Variants in IGFBPL1 observed in about 807,000 individuals in gnomAD.
The protein encoded by IGFBPL1 is insulin-like growth factor-binding protein-like 1.
In IGFBPL1, 20 loss-of-function variants were observed where a neutral mutation model predicts 23.9. The ratio of observed to expected loss-of-function variants is 0.84; its 90% CI spans 0.59 to 1.22. IGFBPL1 has a LOEUF of 1.22. Ranked by LOEUF, IGFBPL1 falls within the 50% of genes most tolerant of loss-of-function variation. IGFBPL1 has a pLI of 0.00. For synonymous variants in IGFBPL1, 184 were observed against 171.8 expected (o/e 1.07, Z -0.56); for missense variants, 436 against 379.3 (o/e 1.15, Z -1.24).
chr9:38,408,418 A>G lies in IGFBPL1; in HGVS notation c.*809T>C, dbSNP rs1821463691. On this transcript the variant is annotated 3_prime_UTR_variant, in exon 5 of 5. Transcript: ENST00000377694. ...ACTCCAGCCTGGGTGATAGAGCGAGACCCTGTCTCAAAATAAAATTTTAAA... is the reference window on the plus strand; with the variant it reads ...ACTCCAGCCTGGGTGATAGAGCGAGGCCCTGTCTCAAAATAAAATTTTAAA... Among the ~76,000 whole-genome samples, 1 of 152,120 alleles carries G rather than the reference A, an allele frequency of 6.6e-6. No homozygotes were observed. Among genetic ancestry groups the G allele is most frequent in the South Asian group, 2.1e-4 (1 of 4,820 alleles).
rs1250943654 is a variant in IGFBPL1, at chr9:38,409,231, G to T, written c.*10-14C>A. On this transcript the variant is annotated splice_polypyrimidine_tract_variant and intron_variant, in intron 4 of 4. Transcript: ENST00000377694. ...GTTTCTAAGACCCTAGGAAGAAAAGGAGAGAAAGAATTAGAGAACGTAAGC... is the reference window on the plus strand; with the variant it reads ...GTTTCTAAGACCCTAGGAAGAAAAGTAGAGAAAGAATTAGAGAACGTAAGC... The T allele has an allele frequency of 6.6e-6, 1 of 152,148 alleles. No homozygotes were observed. The highest frequency in any genetic ancestry group is 2.4e-5 in the African/African-American group (1 of 41,444). The allele number at this position is 152,148 out of a possible 1,614,324, so 9.4% of individuals were successfully genotyped here. A position where few individuals can be genotyped will look rare whatever the true frequency, so the allele number is the denominator to read the frequency against.
chr9:38,412,539 C>G (rs1293128194), intron 3 of IGFBPL1, among the ~76,000 whole-genome samples: 2 of 152,210 alleles, frequency 1.3e-5, no homozygotes, highest in Non-Finnish European at 2.9e-5. Flanking sequence ...CACCTTCTAC[C>G]TTTACCAGCG....
chr9:38,414,189 C>T lies in IGFBPL1; in HGVS notation c.475G>A (p.Val159Ile), dbSNP rs977890969. ...GPCEFAPVVV[V>I]PPRSVHNVTG... ...ACGTTGTGAACACTTCGGGGAGGAA[C>T]GACGACCACAGGAGCTAGGAGGAGG... The change falls in exon 2 of 5, where the codon GTT (valine) becomes ATT (isoleucine). Residue 159 changes from valine (V) to isoleucine (I), a missense_variant. Transcript: ENST00000377694. 5.6e-6 allele frequency: 9 copies of T among 1,603,172 alleles called. No individual in the cohort carries two copies. The highest frequency in any genetic ancestry group is 2.7e-5 in the African/African-American group (2 of 74,684).
At chr9:38,418,118 C>T (rs556668609) in intron 1 of IGFBPL1, among the ~76,000 whole-genome samples, 1 of 152,198 alleles carries the variant, frequency 6.6e-6, no homozygotes. Flanking sequence ...GAAGATAACC[C>T]ATAACATGAG....
At position 38,424,265 on chromosome 9, in the gene IGFBPL1, C is replaced by A; in HGVS notation, c.160G>T (p.Ala54Ser). 1 of 1,227,978 alleles carries A rather than the reference C, an allele frequency of 8.1e-7. No individual in the cohort carries two copies. Among genetic ancestry groups the A allele is most frequent in the South Asian group, 3.2e-5 (1 of 31,458 alleles). 76.1% of individuals were successfully genotyped at this position (1,227,978 alleles called of 1,614,324 possible). A position where few individuals can be genotyped will look rare whatever the true frequency, so the allele number is the denominator to read the frequency against. ...TCGTCGAGCGCCGAGATCCCGGGCGCCGGGCAGGGCGCAGGCGCCGGGCAG... is the reference window on the plus strand; with the variant it reads ...TCGTCGAGCGCCGAGATCCCGGGCGACGGGCAGGGCGCAGGCGCCGGGCAG... ...EGCPAPAPCP[A>S]PGISALDECG... Residue 54 changes from alanine (A) to serine (S), a missense_variant, in exon 1 of 5, where the codon GCG becomes TCG. Physicochemically the swap from Ala to Ser is moderately conservative, Grantham distance 99. Transcript: ENST00000377694.
At chr9:38,423,069 A>G (rs1587418265) in intron 1 of IGFBPL1, among the ~76,000 whole-genome samples, 2 of 152,334 alleles carry the variant, frequency 1.3e-5, no homozygotes, top group African/African-American at 4.8e-5. Flanking sequence ...CACTCCAGGC[A>G]AAGTACACAG....
At chr9:38,414,330 T>G (rs1821562494) in intron 1 of IGFBPL1, 127 bp from the exon 2 acceptor site, 1 of 590,272 alleles carries the variant, frequency 1.7e-6, no homozygotes, top group South Asian at 2.0e-5. Context: ...ACATCACGCT[T>G]GGGCAGGAAT....
chr9:38,424,053 G>A lies in IGFBPL1; in HGVS notation c.372C>T (p.Ser124=). ...GAGCGCGCAGGCGCAGCGCGCAGAC[G>A]CTGGGGTACGAGCGACCGTCGGAGC... ...VCGSDGRSYP[S]VCALRLRARH... Residue 124 remains serine, a synonymous_variant, in exon 1 of 5, where the codon AGC becomes AGT. Coordinates refer to ENST00000377694, the MANE Select transcript of IGFBPL1 (RefSeq NM_001007563.3). 1 of 1,401,276 alleles carries A rather than the reference G, an allele frequency of 7.1e-7. No individual in the cohort carries two copies. Among genetic ancestry groups the A allele is most frequent in the Non-Finnish European group, 9.2e-7 (1 of 1,085,044 alleles). 86.8% of individuals were successfully genotyped at this position (1,401,276 alleles called of 1,614,324 possible). A position where few individuals can be genotyped will look rare whatever the true frequency, so the allele number is the denominator to read the frequency against.
At chr9:38,420,295 G>T (rs767104266) in intron 1 of IGFBPL1, among the ~76,000 whole-genome samples, 5 of 152,138 alleles carry the variant, frequency 3.3e-5, no homozygotes, top group Non-Finnish European at 5.9e-5. Flanking sequence ...CCACCAAAGG[G>T]CTCCCACCTC....
rs201520084 is a variant in IGFBPL1 at position 38,413,259 on chromosome 9, T to C, written c.665A>G (p.His222Arg). Residue 222 changes from histidine (H) to arginine (R), a missense_variant, in exon 3 of 5, where the codon CAT (histidine) becomes CGT (arginine). By Grantham distance (29) the His-to-Arg change is conservative. Coordinates refer to ENST00000377694, the MANE Select transcript of IGFBPL1 (RefSeq NM_001007563.3). ...CACCAAAATCCAGGCCGTGGCCTCA[T>C]GGTCAGAAGGGCCCCCTCGCACTTG... is the stretch of plus-strand genomic sequence containing the variant. ...AVQVRGGPSD[H>R]EATAWILINP... 103 of 1,613,360 alleles carry C rather than the reference T, an allele frequency of 6.4e-5. 1 individual carries two copies. Among genetic ancestry groups the C allele is most frequent in the Middle Eastern group, 1.7e-4 (1 of 6,060 alleles).
Position 38,408,775 on chromosome 9 carries a change from AG to A in IGFBPL1, c.*451del, listed in dbSNP as rs1563918243. On this transcript the variant is annotated 3_prime_UTR_variant, in exon 5 of 5. Transcript: ENST00000377694. ...CAGATGAAGGGACCAGGGCCCAGAG[AG>A]GGGAAGGGATCTGTTCAGGTCACAC... Among the ~76,000 whole-genome samples the A allele has an allele frequency of 1.3e-5, 2 of 152,174 alleles. No individual in the cohort carries two copies. Among genetic ancestry groups the A allele is most frequent in the Non-Finnish European group, 2.9e-5 (2 of 68,032 alleles).
intron 1 of IGFBPL1, among the ~76,000 whole-genome samples, chr9:38,418,515 G>A (rs1206279153): frequency 6.6e-6 from 1 of 151,998 alleles, no homozygotes; most frequent in African/African-American, 2.4e-5. Context: ...TCTGGCCTTG[G>A]GTGAGAGGCA....
chr9:38,411,403 C>T lies in IGFBPL1; in HGVS notation c.834G>A (p.Met278Ile). 2 of 1,612,938 alleles carry T rather than the reference C, an allele frequency of 1.2e-6. No homozygotes were observed. The highest frequency in any genetic ancestry group is 1.3e-5 in the African/African-American group (1 of 74,846). ...SFHFPAPDDR[M>I] ...TTAGAACATGTACATTTCTCCATCA[C>T]ATGCGGTCATCGGGAGCTGGGAAGT... Residue 278 changes from methionine (M) to isoleucine (I), a missense_variant, in exon 4 of 5, where the codon ATG (methionine) becomes ATA (isoleucine). Coordinates refer to ENST00000377694, the MANE Select transcript of IGFBPL1 (RefSeq NM_001007563.3).
intron 1 of IGFBPL1, among the ~76,000 whole-genome samples, chr9:38,421,270 G>C (rs1821672880): frequency 7.9e-6 from 1 of 126,454 alleles, no homozygotes; most frequent in Non-Finnish European, 1.6e-5. Context: ...GGGAGATACA[G>C]TGAGACCCTG....
rs1821722951 is a variant in IGFBPL1 at position 38,424,080 on chromosome 9, G to A, written c.345C>T (p.Cys115=). 2.2e-6 allele frequency: 3 copies of A among 1,392,418 alleles called. No individual in the cohort carries two copies. Among genetic ancestry groups the A allele is most frequent in the South Asian group, 1.6e-5 (1 of 63,730 alleles). 86.3% of individuals were successfully genotyped at this position (1,392,418 alleles called of 1,614,324 possible). A position where few individuals can be genotyped will look rare whatever the true frequency, so the allele number is the denominator to read the frequency against. The change falls in exon 1 of 5, where the codon TGC becomes TGT. Residue 115 remains cysteine (C), a synonymous_variant. Coordinates refer to ENST00000377694, the MANE Select transcript of IGFBPL1 (RefSeq NM_001007563.3). ...LCVCAQRGTV[C]GSDGRSYPSV... ...TGGGGTACGAGCGACCGTCGGAGCC[G>A]CAGACGGTGCCGCGCTGCGCGCACA...
chr9:38,419,846 C>T (rs1248122148), intron 1 of IGFBPL1, among the ~76,000 whole-genome samples: 1 of 148,054 alleles, frequency 6.8e-6, no homozygotes, highest in African/African-American at 2.5e-5. Flanking sequence ...CATCCTTCTT[C>T]TTCCTTCTCC....
rs1171460649 is a variant in IGFBPL1, at chr9:38,413,281, C to T, written c.643G>A (p.Val215Met). The T allele has an allele frequency of 6.2e-7, 1 of 1,614,148 alleles. No individual in the cohort carries two copies. The highest frequency in any genetic ancestry group is 8.5e-7 in the Non-Finnish European group (1 of 1,180,006). ...PGDHVNIAVQ[V>M]RGGPSDHEAT... ...TCATGGTCAGAAGGGCCCCCTCGCACTTGGACAGCTATATTGACATGGTCC... is the reference window on the plus strand; with the variant it reads ...TCATGGTCAGAAGGGCCCCCTCGCATTTGGACAGCTATATTGACATGGTCC... Residue 215 changes from valine to methionine, a missense_variant, in exon 3 of 5, where the codon GTG becomes ATG. Coordinates refer to ENST00000377694, the MANE Select transcript of IGFBPL1 (RefSeq NM_001007563.3).
rs1383573379 is a variant in IGFBPL1, at chr9:38,408,250, C to T, written c.*977G>A. 3.0e-5 allele frequency among the ~76,000 whole-genome samples: 1 copy of T among 33,494 alleles called. No homozygotes were observed. Among genetic ancestry groups the T allele is most frequent in the Non-Finnish European group, 7.0e-5 (1 of 14,266 alleles). 22.0% of individuals were successfully genotyped at this position (33,494 alleles called of 152,430 possible). ...GCGGCAACATAGGGAGACCCTGTCTCTACAAAAAAAAAAAAAAAAAAAAAA... is the reference window on the plus strand; with the variant it reads ...GCGGCAACATAGGGAGACCCTGTCTTTACAAAAAAAAAAAAAAAAAAAAAA... On this transcript the variant is annotated 3_prime_UTR_variant, in exon 5 of 5. Coordinates refer to ENST00000377694, the MANE Select transcript of IGFBPL1 (RefSeq NM_001007563.3).
intron 1 of IGFBPL1, among the ~76,000 whole-genome samples, chr9:38,415,706 C>T (rs1296148094): frequency 6.6e-6 from 1 of 152,210 alleles, no homozygotes; most frequent in African/African-American, 2.4e-5. Flanking sequence ...CCAGGCCATT[C>T]TGTCTTTGGA....
Sources: allele counts gnomAD v4.1 joint callset (sites outside exome capture counted in the v4.1 genomes callset), GRCh38; gene constraint gnomAD v4.1.1; transcripts MANE v1.5; gene names NCBI Gene and HGNC (gene_info 2026-07-23, HGNC 2026-07-21).